The following SEL1L3 variants were observed in gnomAD, a reference collection of about 807,000 sequenced individuals.
The protein encoded by SEL1L3 is SEL1L family member 3, also known as protein sel-1 homolog 3.
In SEL1L3, 76 loss-of-function variants were observed where a neutral mutation model predicts 142.8. The observed-to-expected ratio is 0.53, with a 90% CI of 0.44 to 0.64. The LOEUF is 0.64. Among genes scored for constraint, SEL1L3 ranks in the 30% least tolerant of loss-of-function variants. The pLI, the probability that SEL1L3 is intolerant of heterozygous loss-of-function variation, is 0.00. For synonymous variants in SEL1L3, 504 were observed against 519.6 expected, an observed-to-expected ratio of 0.97 and a Z score of 0.41; for missense variants, 1,262 against 1,381.7, an observed-to-expected ratio of 0.91 and a Z score of 1.37.
intron 2 of SEL1L3, among the ~76,000 whole-genome samples, chr4:25,840,475 T>TA (rs35451937): frequency 2.6e-5 from 4 of 152,210 alleles, no homozygotes; most frequent in Non-Finnish European, 4.4e-5. Context: ...AATTTTGTTA[T>TA]AAAAAATCAT....
At chr4:25,744,371 C>T (rs146797765), downstream of SEL1L3, among the ~76,000 whole-genome samples, 590 of 24,842 alleles carry the variant, frequency 0.024, 6 homozygotes, top group African/African-American at 0.045. Flanking sequence ...TTTTTTGAGA[C>T]GGAGCCTCGC....
chr4:25,757,457 CAAAAAAA>C (rs879068722), intron 23 of SEL1L3, 70 bp downstream of exon 23: 95 of 408,692 alleles, frequency 2.3e-4, no homozygotes, highest in Middle Eastern at 7.6e-4. Flanking sequence ...TCCAGTAGAC[CAAAAAAA>C]AAAAAAAAAA....
intron 1 of SEL1L3, among the ~76,000 whole-genome samples, chr4:25,855,938 G>C (rs572244070): frequency 6.6e-6 from 1 of 152,194 alleles, no homozygotes; most frequent in African/African-American, 2.4e-5. Context: ...TCCCAGCCTC[G>C]TTAATTCCTT....
intron 19 of SEL1L3, among the ~76,000 whole-genome samples, chr4:25,766,578 G>A (rs1187701948): frequency 6.6e-6 from 1 of 152,080 alleles, no homozygotes; most frequent in Non-Finnish European, 1.5e-5. Context: ...AAGGCAAATG[G>A]AAAACAATAG....
intron 9 of SEL1L3, among the ~76,000 whole-genome samples, chr4:25,805,058 A>G (rs1713461343): frequency 2.0e-5 from 3 of 152,220 alleles, no homozygotes; most frequent in Non-Finnish European, 4.4e-5. Flanking sequence ...TCACCAAATC[A>G]GGACCACTGA....
chr4:25,807,839 A>C (rs1713703725), intron 9 of SEL1L3, among the ~76,000 whole-genome samples: 1 of 152,208 alleles, frequency 6.6e-6, no homozygotes, highest in South Asian at 2.1e-4. Flanking sequence ...AATCTTTAGC[A>C]CAAAAAAAAC....
downstream of SEL1L3, among the ~76,000 whole-genome samples, chr4:25,743,532 A>T (rs894214524): frequency 4.6e-5 from 7 of 152,210 alleles, no homozygotes; most frequent in African/African-American, 1.7e-4. Flanking sequence ...CATTTTAGGG[A>T]GACATGAGAC....
intron 1 of SEL1L3, among the ~76,000 whole-genome samples, chr4:25,849,588 TAGTG>T (rs1178575831): frequency 6.6e-6 from 1 of 152,104 alleles, no homozygotes; most frequent in African/African-American, 2.4e-5. Context: ...GACGATGAAA[TAGTG>T]AGACAGAAAG....
intron 6 of SEL1L3, among the ~76,000 whole-genome samples, chr4:25,822,913 A>G (rs1714860270): frequency 1.3e-5 from 2 of 152,238 alleles, no homozygotes; most frequent in Non-Finnish European, 2.9e-5. Flanking sequence ...GAGCTTTTTC[A>G]CTATGCAACT....
chr4:25,818,649 C>T (rs1714554115), intron 8 of SEL1L3, among the ~76,000 whole-genome samples: 1 of 152,152 alleles, frequency 6.6e-6, no homozygotes, highest in African/African-American at 2.4e-5. Context: ...CTTCCTAATG[C>T]CACCAAACAG....
chr4:25,798,261 A>C (rs1712924795), intron 11 of SEL1L3, among the ~76,000 whole-genome samples: 1 of 152,176 alleles, frequency 6.6e-6, no homozygotes, highest in African/African-American at 2.4e-5. Context: ...TTATAGAATC[A>C]ACATCTCTAG....
intron 2 of SEL1L3, among the ~76,000 whole-genome samples, chr4:25,845,660 G>A (rs1443284362): frequency 6.6e-6 from 1 of 151,712 alleles, no homozygotes; most frequent in Non-Finnish European, 1.5e-5. Flanking sequence ...TTCCCCCAAA[G>A]ATAGCCCAAC....
intron 14 of SEL1L3, among the ~76,000 whole-genome samples, chr4:25,783,939 G>A (rs547003279): frequency 1.3e-5 from 2 of 152,166 alleles, no homozygotes; most frequent in South Asian, 2.1e-4. Context: ...GGCAGCTCCT[G>A]ATTATAATTT....
At chr4:25,861,932 G>T (rs1364234017) in intron 1 of SEL1L3, 2 of 152,156 alleles carry the variant, frequency 1.3e-5, no homozygotes, top group Non-Finnish European at 2.9e-5. Context: ...TGAAAAATAG[G>T]TTACTGCCCT....
chr4:25,727,969 G>A, the SEL1L3 span, among the ~76,000 whole-genome samples: 1 of 152,172 alleles, frequency 6.6e-6, no homozygotes, highest in Admixed American at 6.5e-5. Flanking sequence ...GGCCACAGGA[G>A]GTGACATGAA....
At chr4:25,835,439 C>A in intron 2 of SEL1L3, 116 bp from the exon 3 acceptor site, 1 of 1,114,394 alleles carries the variant, frequency 9.0e-7, no homozygotes, top group Non-Finnish European at 1.3e-6. Flanking sequence ...GTGAGATACC[C>A]TAAAAATATT....
intron 10 of SEL1L3, 37 bp from the exon 11 acceptor site, chr4:25,802,499 G>A (rs1255295482): frequency 6.5e-7 from 1 of 1,547,078 alleles, no homozygotes; most frequent in Non-Finnish European, 8.9e-7. Flanking sequence ...TCATGAGATT[G>A]TAGATAGGGT....
the SEL1L3 span, among the ~76,000 whole-genome samples, chr4:25,725,540 TC>T: frequency 5.4e-3 from 829 of 152,286 alleles, 9 homozygotes; most frequent in African/African-American, 0.018. Context: ...GGTCTTGAAC[TC>T]TTGGCCTCAA....
chr4:25,781,866 T>C (rs780969083), intron 15 of SEL1L3, among the ~76,000 whole-genome samples: 15 of 152,208 alleles, frequency 9.9e-5, no homozygotes, highest in Non-Finnish European at 1.9e-4. Context: ...CACCAGGCAA[T>C]CCTATCTGGA....
Sources: gnomAD v4.1 joint callset for allele counts (sites outside exome capture counted in the v4.1 genomes callset) on GRCh38, gnomAD v4.1.1 for gene constraint, MANE v1.5 for transcripts, NCBI Gene and HGNC (gene_info 2026-07-23, HGNC 2026-07-21) for gene names.